SLC6A14: variants seen among roughly 807,000 people sequenced by gnomAD.
The protein encoded by SLC6A14 is sodium- and chloride-dependent neutral and basic amino acid transporter B(0+).
A neutral mutation model predicts 51.4 loss-of-function variants in SLC6A14; 21 were observed. The ratio of observed to expected loss-of-function variants is 0.41; its 90% CI spans 0.29 to 0.59. SLC6A14 has a LOEUF of 0.59. Ranked by LOEUF, SLC6A14 falls within the 20% of genes least tolerant of loss-of-function variation. The probability of loss-of-function intolerance (pLI) is 0.31; values close to 1 mark genes in which losing one functional copy is unlikely to be tolerated. For synonymous variants in SLC6A14, 177 were observed against 160.7 expected (o/e 1.10, Z -0.77); for missense variants, 371 against 472.8 (o/e 0.78, Z 2.00).
chrX:116,451,743 T>C, intron 8 of SLC6A14, 73 bp downstream of exon 8: 5 of 602,939 alleles, frequency 8.3e-6, no homozygotes, highest in Non-Finnish European at 1.3e-5. Flanking sequence ...ATAGAATTTA[T>C]AGAAATTTAC....
intron 7 of SLC6A14, among the ~76,000 whole-genome samples, chrX:116,448,194 C>G (rs1179019706): frequency 2.7e-5 from 3 of 111,999 alleles, no homozygotes; most frequent in Non-Finnish European, 5.6e-5. Flanking sequence ...GGAAATCTGT[C>G]ATTAATTTAC....
intron 10 of SLC6A14, 97 bp downstream of exon 10, chrX:116,454,539 A>G (rs1927887723): frequency 1.9e-6 from 1 of 532,387 alleles, no homozygotes; most frequent in South Asian, 3.2e-5. Context: ...GCTTAGTGAC[A>G]AGTCCAGGTC....
intron 6 of SLC6A14, 64 bp downstream of exon 6, chrX:116,445,114 C>T: frequency 9.9e-7 from 1 of 1,011,882 alleles, no homozygotes; most frequent in Non-Finnish European, 1.3e-6. Context: ...AGTTCAATAT[C>T]AAGCATTACC....
chrX:116,455,485 T>C lies in SLC6A14; in HGVS notation c.1614+19T>C. 1.0e-6 allele frequency: 1 copy of C among 998,827 alleles called. No homozygotes were observed. Among genetic ancestry groups the C allele is most frequent in the Non-Finnish European group, 1.4e-6 (1 of 704,330 alleles). 82.3% of individuals were successfully genotyped at this position (998,827 alleles called of 1,213,427 possible). A position where few individuals can be genotyped will look rare whatever the true frequency, so the allele number is the denominator to read the frequency against. ...TTTGATTGTAAGTAATAATACACCA[T>C]GAACTTGATTTCGATAATACATATG... On this transcript the variant is annotated intron_variant, in intron 12 of 13. Transcript: ENST00000598581.
At chrX:116,453,237 C>G (rs6608646) in intron 9 of SLC6A14, 95 bp downstream of exon 9, 176,275 of 706,837 alleles carry the variant, frequency 0.25, 16,337 homozygotes, top group Admixed American at 0.31. Context: ...CCTATTACCC[C>G]CTCTAGCTGT....
At chrX:116,440,863 A>T in intron 2 of SLC6A14, 103 bp from the exon 3 acceptor site, 1 of 895,603 alleles carries the variant, frequency 1.1e-6, no homozygotes, top group Non-Finnish European at 1.6e-6. Flanking sequence ...GCGCTCTTTG[A>T]TTCCAATATA....
chrX:116,449,110 C>A (rs1180666084), intron 7 of SLC6A14, among the ~76,000 whole-genome samples: 1 of 111,324 alleles, frequency 9.0e-6, no homozygotes, highest in African/African-American at 3.3e-5. Context: ...GAGTCTTCAG[C>A]AATGCAGAGA....
At chrX:116,443,938 A>G in intron 5 of SLC6A14, 148 bp downstream of exon 5, 1 of 484,297 alleles carries the variant, frequency 2.1e-6, no homozygotes, top group Non-Finnish European at 3.3e-6. Context: ...TCAAATGTCT[A>G]CCTATCCCAG....
At position 116,442,690 on chromosome X, in the gene SLC6A14, T is replaced by C; in HGVS notation, c.350T>C (p.Val117Ala). Reference protein sequence around the residue: ...VWRILPLFQGVGITMVLISIF... With the variant: ...VWRILPLFQGAGITMVLISIF... ...TTAATTGTTCTTTTTTTTCCAGGTGTGGGAATTACAATGGTCCTGATCTCC... is the reference window on the plus strand; with the variant it reads ...TTAATTGTTCTTTTTTTTCCAGGTGCGGGAATTACAATGGTCCTGATCTCC... The change falls in exon 4 of 14, where the codon GTG becomes GCG. Residue 117 changes from valine to alanine, a missense_variant. Transcript: ENST00000598581. The C allele has an allele frequency of 1.8e-6, 2 of 1,093,856 alleles. No individual in the cohort carries two copies. The highest frequency in any genetic ancestry group is 6.9e-5 in the East Asian group (2 of 28,958). 90.1% of individuals were successfully genotyped at this position (1,093,856 alleles called of 1,213,427 possible).
intron 10 of SLC6A14, among the ~76,000 whole-genome samples, chrX:116,454,647 A>C (rs1556694640): frequency 9.0e-6 from 1 of 110,998 alleles, no homozygotes; most frequent in African/African-American, 3.3e-5. Flanking sequence ...AATAATGGAC[A>C]GTTACTTCAG....
Position 116,436,678 on chromosome X carries a change from A to G in SLC6A14, c.-32A>G. 1 of 1,157,867 alleles carries G rather than the reference A, an allele frequency of 8.6e-7. No individual in the cohort carries two copies. Among genetic ancestry groups the G allele is most frequent in the Non-Finnish European group, 1.2e-6 (1 of 866,761 alleles). ...TCAAGCTCAGCCAGACTGCAAGAGG[A>G]GGCGAGGCGGAGCCAGCCGAGGGAG... On this transcript the variant is annotated 5_prime_UTR_variant, in exon 1 of 14. Coordinates refer to ENST00000598581, the MANE Select transcript of SLC6A14 (RefSeq NM_007231.5).
intron 7 of SLC6A14, 120 bp downstream of exon 7, chrX:116,447,001 AATTT>A: frequency 1.8e-6 from 1 of 541,668 alleles, no homozygotes; most frequent in Non-Finnish European, 2.9e-6. Context: ...TATACAGTTA[AATTT>A]ATTAGTTTCT....
At chrX:116,438,564 C>CA (rs1398479641) in intron 2 of SLC6A14, among the ~76,000 whole-genome samples, 1 of 111,188 alleles carries the variant, frequency 9.0e-6, no homozygotes, top group Non-Finnish European at 1.9e-5. Flanking sequence ...TTTATTCCTG[C>CA]AAAAAAACAC....
intron 10 of SLC6A14, 71 bp from the exon 11 acceptor site, chrX:116,454,906 C>A: frequency 1.3e-6 from 1 of 760,718 alleles, no homozygotes; most frequent in Non-Finnish European, 2.0e-6. Context: ...TAAATAGATT[C>A]AATTTGAATA....
chrX:116,446,939 C>T, intron 7 of SLC6A14, 58 bp downstream of exon 7: 1 of 1,018,706 alleles, frequency 9.8e-7, no homozygotes, highest in Non-Finnish European at 1.4e-6. Context: ...AAGTAAATGC[C>T]AAACATCTTT....
chrX:116,448,862 CT>C (rs1476588626), intron 7 of SLC6A14, among the ~76,000 whole-genome samples: 1 of 111,800 alleles, frequency 8.9e-6, no homozygotes, highest in Non-Finnish European at 1.9e-5. Context: ...CCTAAAGCTC[CT>C]TGTGAGACAA....
chrX:116,455,793 C>T (rs1309090181), intron 12 of SLC6A14, among the ~76,000 whole-genome samples: 2 of 111,097 alleles, frequency 1.8e-5, no homozygotes, highest in East Asian at 5.6e-4. Flanking sequence ...TATGTTGAGC[C>T]ATCAATAATA....
At chrX:116,451,410 G>A (rs1240033075) in intron 7 of SLC6A14, 32 bp from the exon 8 acceptor site, 12 of 1,022,063 alleles carry the variant, frequency 1.2e-5, no homozygotes, top group Non-Finnish European at 1.6e-5. Flanking sequence ...TTGAGTATAT[G>A]TTTTAAAATA....
At chrX:116,437,728 T>G in intron 1 of SLC6A14, 62 bp from the exon 2 acceptor site, 1 of 1,081,136 alleles carries the variant, frequency 9.2e-7, no homozygotes, top group Non-Finnish European at 1.3e-6. Flanking sequence ...ATTTGTGAAA[T>G]TATGCTTCTG....
Sources: allele counts gnomAD v4.1 joint callset (sites outside exome capture counted in the v4.1 genomes callset), GRCh38; gene constraint gnomAD v4.1.1; transcripts MANE v1.5; gene names NCBI Gene and HGNC (gene_info 2026-07-23, HGNC 2026-07-21).